The following PPEF2 variants were observed in gnomAD, a reference collection of about 807,000 sequenced individuals.
PPEF2 encodes protein phosphatase with EF-hand domain 2.
PPEF2 carries 84 observed loss-of-function variants against 84.7 expected under a neutral mutation model. The ratio of observed to expected loss-of-function variants is 0.99; its 90% CI spans 0.83 to 1.19. PPEF2 has a LOEUF of 1.19. PPEF2 is among the 50% of genes most tolerant of loss of function. The pLI, the probability that PPEF2 is intolerant of heterozygous loss-of-function variation, is 0.00. For missense variants in PPEF2, 924 were observed against 937.5 expected (o/e 0.99, Z 0.19); for synonymous variants, 346 against 345.2 (o/e 1.00, Z -0.03).
chr4:75,899,309 A>G (rs56056355), intron 1 of PPEF2, among the ~76,000 whole-genome samples: 3,226 of 152,278 alleles, frequency 0.021, 109 homozygotes, highest in African/African-American at 0.072. Context: ...GAATAATGTT[A>G]CAATAAACAT....
chr4:75,874,167 G>T (rs576604238), intron 11 of PPEF2, among the ~76,000 whole-genome samples: 1 of 152,052 alleles, frequency 6.6e-6, no homozygotes, highest in Non-Finnish European at 1.5e-5. Context: ...CAGAAGAGTT[G>T]AGCAATTTTT....
chr4:75,881,731 A>C (rs1724579525), intron 10 of PPEF2: 1 of 152,220 alleles, frequency 6.6e-6, no homozygotes, highest in Admixed American at 6.5e-5. Flanking sequence ...GGGGTGGCAG[A>C]GTAACAAGAA....
chr4:75,901,649 A>T lies in PPEF2; in HGVS notation c.-59+581T>A, dbSNP rs113159480. On this transcript the variant is annotated intron_variant, in intron 1 of 16. Transcript: ENST00000286719. The stretch of plus-strand genomic sequence containing the variant: ...TGAGGGAGCCCGAGATTGTTGAATC[A>T]GCACCTTTGGTAATCACCAGCTGTC... Among the ~76,000 whole-genome samples, 573 of 152,336 alleles carry T rather than the reference A, an allele frequency of 3.8e-3. 5 individuals carry two copies. Among genetic ancestry groups the T allele is most frequent in the African/African-American group, 0.013 (558 of 41,580 alleles).
chr4:75,899,412 TC>T (rs1725072606), intron 1 of PPEF2, among the ~76,000 whole-genome samples: 1 of 152,166 alleles, frequency 6.6e-6, no homozygotes. Flanking sequence ...ATGCCATATT[TC>T]TTTTTATACA....
chr4:75,882,850 G>A (rs1255256147), intron 10 of PPEF2, 76 bp downstream of exon 10: 2 of 1,477,314 alleles, frequency 1.4e-6, no homozygotes, highest in Non-Finnish European at 1.8e-6. Flanking sequence ...ACTGCAGTCA[G>A]CATGTAAGAT....
At chr4:75,866,620 G>T in intron 14 of PPEF2, 1 of 442,290 alleles carries the variant, frequency 2.3e-6, no homozygotes, top group Non-Finnish European at 4.1e-6. Flanking sequence ...TTTGTTGTCT[G>T]TTTGTCTGTA....
chr4:75,899,468 A>G (rs986747484), intron 1 of PPEF2, among the ~76,000 whole-genome samples: 1 of 152,168 alleles, frequency 6.6e-6, no homozygotes, highest in African/African-American at 2.4e-5. Flanking sequence ...AGGTAATGTG[A>G]GATGTACTGA....
In PPEF2 at chr4:75,861,171, G is replaced by A. The variant is rs533287039; in HGVS notation, c.2009-251C>T. 2.6e-5 allele frequency among the ~76,000 whole-genome samples: 4 copies of A among 152,214 alleles called. No homozygotes were observed. The South Asian group carries it at 8.3e-4, about 32-fold the overall frequency. ...GTCTGGAGACATTGTTGTTTGTTAT[G>A]ACTAAGATGGAGGTGAGGTGCTACT... is the stretch of plus-strand genomic sequence containing the variant. On this transcript the variant is annotated intron_variant, in intron 16 of 16. Transcript: ENST00000286719.
intron 10 of PPEF2, among the ~76,000 whole-genome samples, chr4:75,878,291 G>C (rs1176743249): frequency 1.3e-5 from 2 of 152,186 alleles, no homozygotes; most frequent in Admixed American, 1.3e-4. Context: ...CAGGGGTCAG[G>C]CCACAGAGCA....
Position 75,884,471 on chromosome 4 carries a change from G to A in PPEF2, c.746+123C>T, listed in dbSNP as rs376806564. 306 of 1,203,708 alleles carry A rather than the reference G, an allele frequency of 2.5e-4. 4 individuals are homozygous for A. In the South Asian group the frequency reaches 4.3e-3, roughly 17 times the overall value. 74.6% of individuals were successfully genotyped at this position (1,203,708 alleles called of 1,614,324 possible). On this transcript the variant is annotated intron_variant, in intron 8 of 16. Transcript: ENST00000286719. ...TTGAATGTTATATACTGTGTATTCTGCTTTTTAAAAAAATTGGAAAACTAG... is the reference window on the plus strand; with the variant it reads ...TTGAATGTTATATACTGTGTATTCTACTTTTTAAAAAAATTGGAAAACTAG...
chr4:75,896,005 C>G (rs899283953), intron 2 of PPEF2, among the ~76,000 whole-genome samples: 20 of 152,140 alleles, frequency 1.3e-4, no homozygotes, highest in African/African-American at 4.8e-4. Context: ...TTTGCCCAAC[C>G]TTATTTCATT....
chr4:75,890,153 G>A, intron 4 of PPEF2, 21 bp from the exon 5 acceptor site: 1 of 1,612,966 alleles, frequency 6.2e-7, no homozygotes. Context: ...TAGAAAAGGT[G>A]GATCAGCTTA....
intron 3 of PPEF2, 43 bp from the exon 4 acceptor site, chr4:75,891,748 A>T (rs747581318): frequency 1.9e-5 from 31 of 1,599,746 alleles, no homozygotes; most frequent in Admixed American, 3.4e-5. Context: ...AGGTGAGCGA[A>T]AAGAGAACCC....
chr4:75,887,607 C>T (rs1289366696), intron 6 of PPEF2, among the ~76,000 whole-genome samples: 2 of 127,100 alleles, frequency 1.6e-5, no homozygotes, highest in South Asian at 2.7e-4. Context: ...GGCGACAGAG[C>T]GGGACTGTGT....
At chr4:75,861,498 C>T (rs1421082187) in intron 16 of PPEF2, among the ~76,000 whole-genome samples, 1 of 145,930 alleles carries the variant, frequency 6.9e-6, no homozygotes. Flanking sequence ...CTACCTAACA[C>T]TATATAAAAA....
At chr4:75,897,780 C>T (rs1725040934) in intron 1 of PPEF2, among the ~76,000 whole-genome samples, 1 of 151,996 alleles carries the variant, frequency 6.6e-6, no homozygotes, top group South Asian at 2.1e-4. Flanking sequence ...CTGCCTAAAA[C>T]AACAACAACA....
intron 1 of PPEF2, among the ~76,000 whole-genome samples, chr4:75,901,520 CAA>C (rs72095152): frequency 1.1e-3 from 146 of 133,312 alleles, no homozygotes; most frequent in East Asian, 7.4e-3. Context: ...GACTCCACCT[CAA>C]AAAAAAAAAA....
intron 8 of PPEF2, among the ~76,000 whole-genome samples, chr4:75,883,958 G>A (rs899923057): frequency 6.1e-5 from 9 of 147,564 alleles, no homozygotes; most frequent in East Asian, 4.1e-4. Flanking sequence ...GGTGAAACCC[G>A]TCTCTACTAA....
intron 8 of PPEF2, among the ~76,000 whole-genome samples, chr4:75,884,350 C>T (rs765197363): frequency 3.3e-5 from 5 of 151,788 alleles, no homozygotes; most frequent in Admixed American, 2.6e-4. Flanking sequence ...ATCACTTAAA[C>T]CCAGGAAGCA....
Sources: gnomAD v4.1 joint callset for allele counts (sites outside exome capture counted in the v4.1 genomes callset) on GRCh38, gnomAD v4.1.1 for gene constraint, MANE v1.5 for transcripts, NCBI Gene and HGNC (gene_info 2026-07-23, HGNC 2026-07-21) for gene names.